Variants in PROSER2 observed in about 807,000 individuals in gnomAD.
PROSER2 encodes the protein proline and serine rich 2, also known as proline and serine-rich protein 2.
A neutral mutation model predicts 14.6 loss-of-function variants in PROSER2; 18 were observed. The observed-to-expected ratio is 1.23, with a 90% CI of 0.85 to 1.83. The LOEUF (loss-of-function observed/expected upper bound fraction) is 1.83. Ranked by LOEUF, PROSER2 falls within the 40% of genes most tolerant of loss-of-function variation. The pLI is 0.00. For synonymous variants in PROSER2, 367 were observed against 286.4 expected, an observed-to-expected ratio of 1.28 and a Z score of -2.84; for missense variants, 823 against 629.8, an observed-to-expected ratio of 1.31 and a Z score of -3.28.
chr10:11,870,496 A>C lies in PROSER2; in HGVS notation c.*90A>C. 8.7e-7 allele frequency: 1 copy of C among 1,153,562 alleles called. No homozygotes were observed. Among genetic ancestry groups the C allele is most frequent in the Non-Finnish European group, 1.2e-6 (1 of 863,020 alleles). The allele number at this position is 1,153,562 out of a possible 1,614,324, so 71.5% of individuals were successfully genotyped here. On this transcript the variant is annotated 3_prime_UTR_variant, in exon 4 of 4. Coordinates refer to ENST00000277570, the MANE Select transcript of PROSER2 (RefSeq NM_153256.4). Reference sequence around the variant, plus strand: ...GCACCCAGGAGCTGTTTGGTCTAAAATGGAAGTGACAGCGGGAGCCCCTGC... The same window carrying C: ...GCACCCAGGAGCTGTTTGGTCTAAACTGGAAGTGACAGCGGGAGCCCCTGC...
rs1233456023 is a variant in PROSER2 at position 11,856,443 on chromosome 10, T to G, written c.138+4228T>G. Among the ~76,000 whole-genome samples the G allele has an allele frequency of 2.0e-5, 3 of 152,254 alleles. No individual in the cohort carries two copies. The highest frequency in any genetic ancestry group is 4.4e-5 in the Non-Finnish European group (3 of 68,044). ...TCCTCTAGAAGAAATAGGATTTGGC[T>G]GCTCGGAAAGGGCGGAGAGCTCTGC... On this transcript the variant is annotated intron_variant, in intron 2 of 3. Coordinates refer to ENST00000277570, the MANE Select transcript of PROSER2 (RefSeq NM_153256.4). This position sits in a 1 kb window ranked among gnomAD's most constrained non-coding sequence, Gnocchi z 5.3.
chr10:11,869,928 G>C lies in PROSER2; in HGVS notation c.830G>C (p.Ser277Thr), dbSNP rs768942130. The change falls in exon 4 of 4, where the codon AGC (serine) becomes ACC (threonine). Residue 277 changes from serine to threonine, a missense_variant. Transcript: ENST00000277570. The surrounding 1 kb of genome is among the most constrained non-coding windows in gnomAD (Gnocchi z 4.4). Reference sequence around the variant, plus strand: ...AGGACCCTGTCCAGGGCGGCCGTCAGCGTGCAGGAGCGCAGGGCGCAGGTG... The same window carrying C: ...AGGACCCTGTCCAGGGCGGCCGTCACCGTGCAGGAGCGCAGGGCGCAGGTG... ...PRRTLSRAAV[S>T]VQERRAQVLA... 333 of 1,549,164 alleles carry C rather than the reference G, an allele frequency of 2.1e-4. No individual in the cohort carries two copies. Among genetic ancestry groups the C allele is most frequent in the Non-Finnish European group, 2.8e-4 (322 of 1,151,934 alleles).
Position 11,862,917 on chromosome 10 carries a change from T to C in PROSER2, c.139-3614T>C, listed in dbSNP as rs1588498592. ...ACTGCATTCCTCTCCTTCAGGGCGC[T>C]AGAGCAACCAGCCCTGCCGAAAGCA... On this transcript the variant is annotated intron_variant, in intron 2 of 3. Transcript: ENST00000277570. The surrounding 1 kb of genome is among the most constrained non-coding windows in gnomAD (Gnocchi z 4.2). 6.6e-6 allele frequency: 1 copy of C among 152,162 alleles called. No individual in the cohort carries two copies. Among genetic ancestry groups the C allele is most frequent in the African/African-American group, 2.4e-5 (1 of 41,434 alleles). 9.4% of individuals were successfully genotyped at this position (152,162 alleles called of 1,614,324 possible). A position where few individuals can be genotyped will look rare whatever the true frequency, so the allele number is the denominator to read the frequency against.
intron 3 of PROSER2, among the ~76,000 whole-genome samples, chr10:11,868,197 C>G (rs1314485714): frequency 6.6e-6 from 1 of 152,208 alleles, no homozygotes; most frequent in Non-Finnish European, 1.5e-5. Flanking sequence ...TGTGAGATCA[C>G]GTAGTCATGC....
In PROSER2 at chr10:11,870,231, G is replaced by A. The variant is rs1030563248; in HGVS notation, c.1133G>A (p.Arg378Gln). 3 of 1,489,132 alleles carry A rather than the reference G, an allele frequency of 2.0e-6. No homozygotes were observed. Among genetic ancestry groups the A allele is most frequent in the Admixed American group, 2.2e-5 (1 of 44,752 alleles). The allele number at this position is 1,489,132 out of a possible 1,614,324, so 92.2% of individuals were successfully genotyped here. A position where few individuals can be genotyped will look rare whatever the true frequency, so the allele number is the denominator to read the frequency against. ...CCTGGCCCGGCCCTGCCCAGCACGC[G>A]GGCCCGTCAGAGCTTCCCCGGGCCC... Reference protein sequence around the residue: ...FRPGPALPSTRARQSFPGPRQ... With the variant: ...FRPGPALPSTQARQSFPGPRQ... Residue 378 changes from arginine (R) to glutamine (Q), a missense_variant, in exon 4 of 4, where the codon CGG becomes CAG. Coordinates refer to ENST00000277570, the MANE Select transcript of PROSER2 (RefSeq NM_153256.4).
Position 11,867,419 on chromosome 10 carries a change from G to C in PROSER2, c.391+636G>C, listed in dbSNP as rs955737786. On this transcript the variant is annotated intron_variant, in intron 3 of 3. Transcript: ENST00000277570. ...AGGCTGGGCGCCATGGATCACTTGA[G>C]GCCAGGAGTTCAAGACCAGCCTGGC... Among the ~76,000 whole-genome samples, 4 of 152,126 alleles carry C rather than the reference G, an allele frequency of 2.6e-5. No homozygotes were observed. In the East Asian group the frequency reaches 7.7e-4, roughly 29 times the overall value.
rs1372697354 is a variant in PROSER2 at position 11,870,213 on chromosome 10, C to T, written c.1115C>T (p.Pro372Leu). ...AAGTCCCTCTGCTTCCGCCCTGGCC[C>T]GGCCCTGCCCAGCACGCGGGCCCGT... Reference protein sequence around the residue: ...AGKSLCFRPGPALPSTRARQS... With the variant: ...AGKSLCFRPGLALPSTRARQS... The change falls in exon 4 of 4, where the codon CCG becomes CTG. Residue 372 changes from proline (P) to leucine (L), a missense_variant. Transcript: ENST00000277570. The T allele has an allele frequency of 3.4e-6, 5 of 1,489,642 alleles. No individual in the cohort carries two copies. The East Asian group carries it at 1.1e-4, about 34-fold the overall frequency. 92.3% of individuals were successfully genotyped at this position (1,489,642 alleles called of 1,614,324 possible).
intron 2 of PROSER2, among the ~76,000 whole-genome samples, chr10:11,864,736 A>G (rs1834311551): frequency 6.6e-6 from 1 of 151,914 alleles, no homozygotes; most frequent in Admixed American, 6.6e-5. Flanking sequence ...TTACAGGTGC[A>G]CACCACCATG....
In PROSER2 at chr10:11,871,775, A is replaced by T. The variant is rs1477694935; in HGVS notation, c.*1369A>T. On this transcript the variant is annotated 3_prime_UTR_variant, in exon 4 of 4. Transcript: ENST00000277570. ...GTTTTTATGTCTCCGCCAGCGCCGT[A>T]ACAGAGCCTGTTTCTTTCCCGTTGA... is the stretch of plus-strand genomic sequence containing the variant. The T allele has an allele frequency of 2.6e-5, 4 of 152,248 alleles. No homozygotes were observed. Among genetic ancestry groups the T allele is most frequent in the Admixed American group, 6.5e-5 (1 of 15,290 alleles). The allele number at this position is 152,248 out of a possible 1,614,324, so 9.4% of individuals were successfully genotyped here. A position where few individuals can be genotyped will look rare whatever the true frequency, so the allele number is the denominator to read the frequency against.
rs1834036855 is a variant in PROSER2, at chr10:11,852,332, TCTGGAATAC to T, written c.138+118_138+126del. On this transcript the variant is annotated intron_variant, in intron 2 of 3. Transcript: ENST00000277570. ...CTTTTTGGGTCAACTAGCTTGATGT[TCTGGAATAC>T]TTCTTTGTGAAGTGGTTCTTTATTT... The T allele has an allele frequency of 1.1e-5, 12 of 1,114,424 alleles. No individual in the cohort carries two copies. The South Asian group carries it at 2.0e-4, about 19-fold the overall frequency. 69.0% of individuals were successfully genotyped at this position (1,114,424 alleles called of 1,614,324 possible).
At position 11,865,095 on chromosome 10, in the gene PROSER2, A is replaced by C. The variant is rs146164892; in HGVS notation, c.139-1436A>C. On this transcript the variant is annotated intron_variant, in intron 2 of 3. Coordinates refer to ENST00000277570, the MANE Select transcript of PROSER2 (RefSeq NM_153256.4). The surrounding 1 kb of genome is among the most constrained non-coding windows in gnomAD (Gnocchi z 4.2). ...CTGTTTAGGGGCATTTCCCTGAATT[A>C]TTTTATTTTATAATTTCTTCCTCTC... Among the ~76,000 whole-genome samples, 701 of 152,076 alleles carry C rather than the reference A, an allele frequency of 4.6e-3. 6 individuals are homozygous for C. The highest frequency in any genetic ancestry group is 0.016 in the African/African-American group (667 of 41,470).
rs567811900 is a variant in PROSER2 at position 11,829,103 on chromosome 10, C to A, written c.-82+5633C>A. ...TTCTGAGTAGGTTGCAGTGGCAGAT[C>A]TTGTTTCCCGGCTCTCCTGTGGAGT... On this transcript the variant is annotated intron_variant, in intron 1 of 3. Coordinates refer to ENST00000277570, the MANE Select transcript of PROSER2 (RefSeq NM_153256.4). 5.3e-5 allele frequency among the ~76,000 whole-genome samples: 8 copies of A among 152,072 alleles called. No homozygotes were observed. In the East Asian group the frequency reaches 1.5e-3, roughly 29 times the overall value.
rs1375949470 is a variant in PROSER2 at position 11,870,893 on chromosome 10, A to T, written c.*487A>T. 1.2e-5 allele frequency: 2 copies of T among 163,520 alleles called. No individual in the cohort carries two copies. Among genetic ancestry groups the T allele is most frequent in the Non-Finnish European group, 2.9e-5 (2 of 68,178 alleles). 10.1% of individuals were successfully genotyped at this position (163,520 alleles called of 1,614,324 possible). On this transcript the variant is annotated 3_prime_UTR_variant, in exon 4 of 4. Transcript: ENST00000277570. ...GTTTCATTTTTTAATGTCTTAATAT[A>T]CTTGCTTTTGTTTTTGAAGGGTGAG...
chr10:11,866,314 G>C lies in PROSER2; in HGVS notation c.139-217G>C, dbSNP rs376860306. 7.2e-5 allele frequency among the ~76,000 whole-genome samples: 11 copies of C among 152,284 alleles called. No homozygotes were observed. The South Asian group carries it at 2.3e-3, about 32-fold the overall frequency. Reference sequence around the variant, plus strand: ...CCCAAGGCGAGGGCCCGTTATAACAGCTTTGAGGCTCTGTTGTTTGCTCTG... The same window carrying C: ...CCCAAGGCGAGGGCCCGTTATAACACCTTTGAGGCTCTGTTGTTTGCTCTG... On this transcript the variant is annotated intron_variant, in intron 2 of 3. Coordinates refer to ENST00000277570, the MANE Select transcript of PROSER2 (RefSeq NM_153256.4). The surrounding 1 kb of genome is among the most constrained non-coding windows in gnomAD (Gnocchi z 6.0).
intron 1 of PROSER2, chr10:11,849,571 A>C (rs1833982141): frequency 6.6e-6 from 1 of 152,262 alleles, no homozygotes; most frequent in Admixed American, 6.5e-5. Flanking sequence ...CTTAGGCTAG[A>C]AAGGAAGATG....
chr10:11,860,045 C>T (rs1275073569), intron 2 of PROSER2, among the ~76,000 whole-genome samples: 1 of 152,206 alleles, frequency 6.6e-6, no homozygotes, highest in East Asian at 1.9e-4. Context: ...TGCTTCTGCT[C>T]TCCTCTCCTC....
At position 11,870,044 on chromosome 10, in the gene PROSER2, G is replaced by A; in HGVS notation, c.946G>A (p.Val316Met). 1 of 1,235,722 alleles carries A rather than the reference G, an allele frequency of 8.1e-7. No individual in the cohort carries two copies. The highest frequency in any genetic ancestry group is 1.0e-6 in the Non-Finnish European group (1 of 989,972). The allele number at this position is 1,235,722 out of a possible 1,614,324, so 76.5% of individuals were successfully genotyped here. The change falls in exon 4 of 4, where the codon GTG becomes ATG. Residue 316 changes from valine (V) to methionine (M), a missense_variant. By Grantham distance (21) the Val-to-Met change is conservative (BLOSUM62 1). Transcript: ENST00000277570. ...AGGGGGCGGCTCCTCCCCGGAGCGG[G>A]TGGCGCGTGGCCGGGGCCTGCCGGG... ...APGGGSSPER[V>M]ARGRGLPGPA...
At position 11,865,026 on chromosome 10, in the gene PROSER2, G is replaced by A. The variant is rs1220990071; in HGVS notation, c.139-1505G>A. Among the ~76,000 whole-genome samples the A allele has an allele frequency of 6.6e-6, 1 of 152,044 alleles. No homozygotes were observed. Among genetic ancestry groups the A allele is most frequent in the East Asian group, 1.9e-4 (1 of 5,202 alleles). On this transcript the variant is annotated intron_variant, in intron 2 of 3. Coordinates refer to ENST00000277570, the MANE Select transcript of PROSER2 (RefSeq NM_153256.4). The surrounding 1 kb of genome is among the most constrained non-coding windows in gnomAD (Gnocchi z 4.2). Reference sequence around the variant, plus strand: ...GGTCTGTTTGATTTTTATTCATTAGGTTGTACACTAAGGACCCCTTTCAGT... The same window carrying A: ...GGTCTGTTTGATTTTTATTCATTAGATTGTACACTAAGGACCCCTTTCAGT...
rs566052949 is a variant in PROSER2, at chr10:11,830,406, A to T, written c.-82+6936A>T. Among the ~76,000 whole-genome samples the T allele has an allele frequency of 5.9e-5, 9 of 152,184 alleles. No homozygotes were observed. In the South Asian group the frequency reaches 1.7e-3, roughly 28 times the overall value. ...TAGTCGTCCGTGGTGTTTATATACC[A>T]CATTTTCTTTATCCTGTCGTCTGTC... On this transcript the variant is annotated intron_variant, in intron 1 of 3. Transcript: ENST00000277570. The surrounding 1 kb of genome is among the most constrained non-coding windows in gnomAD (Gnocchi z 4.5).
Sources: gnomAD v4.1 joint callset for allele counts (sites outside exome capture counted in the v4.1 genomes callset) on GRCh38, gnomAD v4.1.1 for gene constraint, Gnocchi (gnomAD v3.1) non-coding constraint, MANE v1.5 for transcripts, NCBI Gene and HGNC (gene_info 2026-07-23, HGNC 2026-07-21) for gene names.